Variants in SLC47A1 observed in about 807,000 individuals in gnomAD.
The protein encoded by SLC47A1 is solute carrier family 47 member 1.
In SLC47A1, 58 loss-of-function variants were observed where a neutral mutation model predicts 65.8. That is an observed-to-expected ratio of 0.88 (90% confidence interval 0.71 to 1.10). SLC47A1 has a LOEUF of 1.10. Among genes scored for constraint, SLC47A1 ranks in the 50% least tolerant of loss-of-function variants. SLC47A1 has a pLI of 0.00. For missense variants in SLC47A1, 706 were observed against 719.2 expected (o/e 0.98, Z 0.21); for synonymous variants, 285 against 295.0 (o/e 0.97, Z 0.35).
chr17:19,563,413 T>C (rs1364396645), intron 12 of SLC47A1, among the ~76,000 whole-genome samples: 1 of 151,870 alleles, frequency 6.6e-6, no homozygotes, highest in Non-Finnish European at 1.5e-5. Context: ...ATTACAGCCA[T>C]AAGCCACCAC....
chr17:19,541,270 C>T (rs997142289), intron 1 of SLC47A1, among the ~76,000 whole-genome samples: 1 of 152,130 alleles, frequency 6.6e-6, no homozygotes, highest in African/African-American at 2.4e-5. Flanking sequence ...CAGGCAGCGG[C>T]GGCAGCAGCA....
At chr17:19,574,823 A>G (rs2084426675) in intron 16 of SLC47A1, among the ~76,000 whole-genome samples, 1 of 152,104 alleles carries the variant, frequency 6.6e-6, no homozygotes, top group Admixed American at 6.6e-5. Flanking sequence ...TTTAGCAGAG[A>G]CGGGATTTCA....
chr17:19,569,124 C>A (rs1264057556), intron 14 of SLC47A1, among the ~76,000 whole-genome samples: 2 of 151,982 alleles, frequency 1.3e-5, no homozygotes, highest in Non-Finnish European at 2.9e-5. Context: ...GTAATTCCAG[C>A]ACTTTGGGAG....
chr17:19,548,229 C>G, intron 4 of SLC47A1, 96 bp downstream of exon 4: 3 of 1,450,040 alleles, frequency 2.1e-6, no homozygotes, highest in Non-Finnish European at 2.8e-6. Flanking sequence ...GGCTGCACAC[C>G]AAGGTGGTGC....
At chr17:19,553,217 TC>T (rs2152314097) in intron 6 of SLC47A1, among the ~76,000 whole-genome samples, 1 of 152,018 alleles carries the variant, frequency 6.6e-6, no homozygotes, top group African/African-American at 2.4e-5. Context: ...CCAGATGGTA[TC>T]GGGGGAAGGG....
chr17:19,542,271 C>A, intron 1 of SLC47A1, 122 bp from the exon 2 acceptor site: 1 of 527,074 alleles, frequency 1.9e-6, no homozygotes, highest in Non-Finnish European at 3.3e-6. Context: ...GTGGCAGAGG[C>A]TCACTGAAGT....
chr17:19,555,629 C>G lies in SLC47A1; in HGVS notation c.678C>G (p.Thr226=). The change falls in exon 8 of 17, where the codon ACC becomes ACG. Residue 226 remains threonine (T), a synonymous_variant. Coordinates refer to ENST00000270570, the MANE Select transcript of SLC47A1 (RefSeq NM_018242.3). The stretch of plus-strand genomic sequence containing the variant: ...TGGCAAACTTGATTTCCCAGTACAC[C>G]CTGGCTCTACTCCTCTTTCTCTACA... ...SALANLISQY[T]LALLLFLYIL... is the part of the protein sequence containing the mutation. 1 of 1,614,172 alleles carries G rather than the reference C, an allele frequency of 6.2e-7. No individual in the cohort carries two copies. The highest frequency in any genetic ancestry group is 8.5e-7 in the Non-Finnish European group (1 of 1,180,034).
rs568729981 is a variant in SLC47A1 at position 19,572,474 on chromosome 17, G to C, written c.1405-306G>C. 3.3e-5 allele frequency among the ~76,000 whole-genome samples: 5 copies of C among 151,958 alleles called. No homozygotes were observed. In the South Asian group the frequency reaches 1.0e-3, roughly 32 times the overall value. On this transcript the variant is annotated intron_variant, in intron 15 of 16. Coordinates refer to ENST00000270570, the MANE Select transcript of SLC47A1 (RefSeq NM_018242.3). Reference sequence around the variant, plus strand: ...ATGCCTGGCTGTTTTTTTTGTTGTTGTTGTTATTTTTTTGTTTTTAATTTT... The same window carrying C: ...ATGCCTGGCTGTTTTTTTTGTTGTTCTTGTTATTTTTTTGTTTTTAATTTT...
chr17:19,564,047 G>C (rs961448656), intron 12 of SLC47A1, among the ~76,000 whole-genome samples: 1 of 148,776 alleles, frequency 6.7e-6, no homozygotes, highest in African/African-American at 2.5e-5. Context: ...GAATATATTT[G>C]GGTGAAATAT....
At position 19,578,421 on chromosome 17, in the gene SLC47A1, C is replaced by G. The variant is rs2084456913; in HGVS notation, c.*868C>G. The G allele has an allele frequency of 5.8e-6, 1 of 173,662 alleles. No individual in the cohort carries two copies. The highest frequency in any genetic ancestry group is 1.2e-4 in the South Asian group (1 of 8,278). The allele number at this position is 173,662 out of a possible 1,614,324, so 10.8% of individuals were successfully genotyped here. On this transcript the variant is annotated 3_prime_UTR_variant, in exon 17 of 17. Transcript: ENST00000270570. The stretch of plus-strand genomic sequence containing the variant: ...TTGTTTCCCAGGCTGGTCTTGAATT[C>G]CTGGGATCAAGCAATCCTTCCACCT...
chr17:19,567,058 G>A (rs770061494), intron 13 of SLC47A1, 38 bp from the exon 14 acceptor site: 8 of 1,613,834 alleles, frequency 5.0e-6, no homozygotes, highest in Admixed American at 1.7e-5. Context: ...CAAGAGCGCC[G>A]GATGTGTTCA....
At chr17:19,560,670 G>C in intron 12 of SLC47A1, 177 bp downstream of exon 12, 1 of 651,058 alleles carries the variant, frequency 1.5e-6, no homozygotes, top group Non-Finnish European at 2.7e-6. Flanking sequence ...CCTGAGGTCA[G>C]GAGTTCAAGG....
At chr17:19,548,783 G>A (rs940502137) in intron 4 of SLC47A1, among the ~76,000 whole-genome samples, 17 of 152,220 alleles carry the variant, frequency 1.1e-4, no homozygotes, top group African/African-American at 3.4e-4. Flanking sequence ...CACCATGCCC[G>A]GCCAGGATTC....
chr17:19,537,139 C>T (rs113856152), intron 1 of SLC47A1, among the ~76,000 whole-genome samples: 18 of 152,200 alleles, frequency 1.2e-4, no homozygotes, highest in African/African-American at 1.7e-4. Context: ...AGATGGACCC[C>T]GGGCATTGCC....
rs753368724 is a variant in SLC47A1 at position 19,542,421 on chromosome 17, T to C, written c.164T>C (p.Ile55Thr). The C allele has an allele frequency of 7.9e-5, 128 of 1,610,696 alleles. No homozygotes were observed. Among genetic ancestry groups the C allele is most frequent in the Non-Finnish European group, 1.0e-4 (121 of 1,178,658 alleles). Reference sequence around the variant, plus strand: ...TTGGTTCAGCTGATGGTGTTCCTGATCAGCTTCATAAGCTCCGTGTTCTGT... The same window carrying C: ...TTGGTTCAGCTGATGGTGTTCCTGACCAGCTTCATAAGCTCCGTGTTCTGT... The part of the protein sequence containing the change: ...AFLVQLMVFL[I>T]SFISSVFCGH... Residue 55 changes from isoleucine to threonine, a missense_variant, in exon 2 of 17, where the codon ATC becomes ACC. Ile to Thr is a moderately conservative substitution (Grantham distance 89). Transcript: ENST00000270570.
At position 19,556,070 on chromosome 17, in the gene SLC47A1, G is replaced by T. The variant is rs777687738; in HGVS notation, c.921+8G>T. ...GCCATCATTGTGTACATGGTAAGCA[G>T]GGGAGCCGATCATGGGGAGGTGCCA... On this transcript the variant is annotated splice_region_variant and intron_variant, in intron 10 of 16. Transcript: ENST00000270570. 1 of 1,613,566 alleles carries T rather than the reference G, an allele frequency of 6.2e-7. No individual in the cohort carries two copies. Among genetic ancestry groups the T allele is most frequent in the Non-Finnish European group, 8.5e-7 (1 of 1,180,014 alleles).
chr17:19,560,412 C>T lies in SLC47A1; in HGVS notation c.1031-6C>T. ...GTGTTGTTTCTTCTGCCGTTTTTAC[C>T]TTCAGTGCTCTTTGCTGTAGCCTTC... On this transcript the variant is annotated splice_polypyrimidine_tract_variant and splice_region_variant and intron_variant, in intron 11 of 16. Coordinates refer to ENST00000270570, the MANE Select transcript of SLC47A1 (RefSeq NM_018242.3). 2 of 1,614,134 alleles carry T rather than the reference C, an allele frequency of 1.2e-6. No homozygotes were observed. The highest frequency in any genetic ancestry group is 1.7e-6 in the Non-Finnish European group (2 of 1,180,016).
chr17:19,560,265 G>A lies in SLC47A1; in HGVS notation c.999G>A (p.Arg333=), dbSNP rs368319000. Residue 333 remains arginine, a synonymous_variant, in exon 11 of 17, where the codon CGG becomes CGA. Coordinates refer to ENST00000270570, the MANE Select transcript of SLC47A1 (RefSeq NM_018242.3). ...ALGAGDMEQA[R]KSSTVSLLIT... ...GTGCTGGAGACATGGAGCAGGCACGGAAGTCCTCTACCGTTTCCCTGCTGA... is the reference window on the plus strand; with the variant it reads ...GTGCTGGAGACATGGAGCAGGCACGAAAGTCCTCTACCGTTTCCCTGCTGA... 232 of 1,613,822 alleles carry A rather than the reference G, an allele frequency of 1.4e-4. 4 individuals carry two copies. Among genetic ancestry groups the A allele is most frequent in the Middle Eastern group, 6.7e-4 (4 of 6,014 alleles).
intron 15 of SLC47A1, 53 bp from the exon 16 acceptor site, chr17:19,572,727 A>C: frequency 6.4e-7 from 1 of 1,557,106 alleles, no homozygotes; most frequent in East Asian, 2.2e-5. Flanking sequence ...GGTCAAGTAA[A>C]ATACCATATT....
Sources: gnomAD v4.1 joint callset for allele counts (sites outside exome capture counted in the v4.1 genomes callset) on GRCh38, gnomAD v4.1.1 for gene constraint, MANE v1.5 for transcripts, NCBI Gene and HGNC (gene_info 2026-07-23, HGNC 2026-07-21) for gene names.